Variants in PPP2R2A observed in about 807,000 individuals in gnomAD.
PPP2R2A encodes serine/threonine-protein phosphatase 2A 55 kDa regulatory subunit B alpha isoform.
A neutral mutation model predicts 53.2 loss-of-function variants in PPP2R2A; 9 were observed. The ratio of observed to expected loss-of-function variants is 0.17; its 90% CI spans 0.10 to 0.30. PPP2R2A has a LOEUF of 0.30. Among genes scored for constraint, PPP2R2A ranks in the 10% least tolerant of loss-of-function variants. PPP2R2A has a pLI of 1.00. For missense variants in PPP2R2A, 235 were observed against 534.6 expected, an observed-to-expected ratio of 0.44 and a Z score of 5.53; for synonymous variants, 169 against 174.2, an observed-to-expected ratio of 0.97 and a Z score of 0.23.
intron 3 of PPP2R2A, among the ~76,000 whole-genome samples, chr8:26,348,653 G>A (rs2043434): frequency 0.22 from 34,120 of 152,152 alleles, 4,949 homozygotes; most frequent in Non-Finnish European, 0.31. Context: ...TACTCAGCCT[G>A]TAAAAGCACA....
chr8:26,302,733 A>G (rs1229621151), intron 2 of PPP2R2A, among the ~76,000 whole-genome samples: 1 of 152,232 alleles, frequency 6.6e-6, no homozygotes, highest in African/African-American at 2.4e-5. Context: ...TTGAATACAG[A>G]AGCAATTAAG....
At chr8:26,333,487 T>C (rs772023370) in intron 2 of PPP2R2A, 1 of 1,223,848 alleles carries the variant, frequency 8.2e-7, no homozygotes, top group South Asian at 1.4e-5. Context: ...TTCTTTCAGA[T>C]CACTTATTTG....
intron 9 of PPP2R2A, 54 bp downstream of exon 9, chr8:26,366,460 AT>A (rs1444627407): frequency 2.2e-6 from 3 of 1,365,434 alleles, no homozygotes; most frequent in African/African-American, 1.5e-5. Context: ...AGAAACAACT[AT>A]TTCATTCCAG....
chr8:26,346,594 G>A lies in PPP2R2A; in HGVS notation c.180+7607G>A, dbSNP rs553500003. ...CTCTGCTAGTCTTTCTACTTTATTC[G>A]TTCCTTCTTACAGTTGAGTTGTGTA... On this transcript the variant is annotated intron_variant, in intron 3 of 9. Transcript: ENST00000380737. Among the ~76,000 whole-genome samples, 156 of 152,186 alleles carry A rather than the reference G, an allele frequency of 1.0e-3. 1 individual carries two copies. The highest frequency in any genetic ancestry group is 1.1e-3 in the Non-Finnish European group (72 of 68,024).
rs556118674 is a variant in PPP2R2A, at chr8:26,366,764, A to G, written c.1064+358A>G. 9.2e-5 allele frequency among the ~76,000 whole-genome samples: 14 copies of G among 152,284 alleles called. 1 individual carries two copies. The South Asian group carries it at 2.9e-3, about 32-fold the overall frequency. ...CGGCAGATAACTCATTTGGATTGTT[A>G]GAAACACCAGGTTTTCCAGATGCTA... On this transcript the variant is annotated intron_variant, in intron 9 of 9. Transcript: ENST00000380737.
In PPP2R2A at chr8:26,360,070, G is replaced by A. The variant is rs1805001856; in HGVS notation, c.347-99G>A. ...AGATTAGGGTTTTTTTTTTTTTCGT[G>A]GAATCCTTTTACGTGAAATGTGAAA... On this transcript the variant is annotated intron_variant, in intron 4 of 9. Coordinates refer to ENST00000380737, the MANE Select transcript of PPP2R2A (RefSeq NM_002717.4). The surrounding 1 kb of genome is among the most constrained non-coding windows in gnomAD (Gnocchi z 4.5). 7.1e-6 allele frequency: 4 copies of A among 566,658 alleles called. No homozygotes were observed. The highest frequency in any genetic ancestry group is 6.6e-5 in the Admixed American group (2 of 30,352). 35.1% of individuals were successfully genotyped at this position (566,658 alleles called of 1,614,324 possible). A position where few individuals can be genotyped will look rare whatever the true frequency, so the allele number is the denominator to read the frequency against.
intron 4 of PPP2R2A, among the ~76,000 whole-genome samples, chr8:26,356,064 A>C (rs1001470211): frequency 1.3e-5 from 2 of 152,178 alleles, no homozygotes; most frequent in African/African-American, 4.8e-5. Context: ...GTAGTCTATA[A>C]AAATTTGTGA....
rs1051550188 is a variant in PPP2R2A, at chr8:26,362,023, A to ATTAATCTTAAGATTAGAT, written c.638-658_638-657insATCTTAAGATTAGATTTA. Among the ~76,000 whole-genome samples, 438 of 140,870 alleles carry ATTAATCTTAAGATTAGAT rather than the reference A, an allele frequency of 3.1e-3. 9 individuals carry two copies. Among genetic ancestry groups the ATTAATCTTAAGATTAGAT allele is most frequent in the Admixed American group, 0.026 (369 of 14,128 alleles). 92.4% of individuals were successfully genotyped at this position (140,870 alleles called of 152,430 possible). A position where few individuals can be genotyped will look rare whatever the true frequency, so the allele number is the denominator to read the frequency against. On this transcript the variant is annotated intron_variant, in intron 6 of 9. Transcript: ENST00000380737. The surrounding 1 kb of genome is among the most constrained non-coding windows in gnomAD (Gnocchi z 4.4). ...TAATTGATATTAAGATTAGATTAAGATTAGATTAAGATTAATCTTAAGATT... is the reference window on the plus strand; with the variant it reads ...TAATTGATATTAAGATTAGATTAAGATTAATCTTAAGATTAGATTTAGATTAAGATTAATCTTAAGATT...
chr8:26,341,994 C>T (rs1050807943), intron 3 of PPP2R2A, among the ~76,000 whole-genome samples: 4 of 152,102 alleles, frequency 2.6e-5, no homozygotes, highest in East Asian at 1.9e-4. Flanking sequence ...ATTCCCCAAT[C>T]GTAATATAAA....
At position 26,370,380 on chromosome 8, in the gene PPP2R2A, C is replaced by T. The variant is rs749340495; in HGVS notation, c.1311C>T (p.Asn437=). Reference sequence around the variant, plus strand: ...ATATCATTGCCGTAGCTACTACAAACAATCTGTATATATTTCAAGACAAAG... The same window carrying T: ...ATATCATTGCCGTAGCTACTACAAATAATCTGTATATATTTCAAGACAAAG... ...KENIIAVATT[N]NLYIFQDKVN is the part of the protein sequence containing the mutation. Residue 437 remains asparagine (N), a synonymous_variant, in exon 10 of 10, where the codon AAC becomes AAT. Transcript: ENST00000380737. The surrounding 1 kb of genome is among the most constrained non-coding windows in gnomAD (Gnocchi z 6.1). 3 of 1,614,046 alleles carry T rather than the reference C, an allele frequency of 1.9e-6. No individual in the cohort carries two copies. The highest frequency in any genetic ancestry group is 1.7e-6 in the Non-Finnish European group (2 of 1,180,038).
chr8:26,295,906 T>C (rs933545414), intron 2 of PPP2R2A, among the ~76,000 whole-genome samples: 1 of 152,154 alleles, frequency 6.6e-6, no homozygotes, highest in African/African-American at 2.4e-5. Flanking sequence ...TATTAACACA[T>C]TCCCCACCCC....
At chr8:26,293,309 G>T in intron 1 of PPP2R2A, 1 of 1,513,310 alleles carries the variant, frequency 6.6e-7, no homozygotes, top group Non-Finnish European at 8.9e-7. Context: ...TAACTCTTCT[G>T]CAGGCTTTTT....
At chr8:26,303,155 T>C (rs1253790542) in intron 2 of PPP2R2A, among the ~76,000 whole-genome samples, 3 of 152,204 alleles carry the variant, frequency 2.0e-5, no homozygotes, top group South Asian at 2.1e-4. Flanking sequence ...CCTGTTCTTT[T>C]AGATACCAAA....
chr8:26,330,967 C>T (rs1434140262), intron 2 of PPP2R2A, among the ~76,000 whole-genome samples: 2 of 152,168 alleles, frequency 1.3e-5, no homozygotes, highest in Non-Finnish European at 2.9e-5. Context: ...GTGTGACACT[C>T]TTGTGAGAAC....
chr8:26,302,837 G>C (rs1359209300), intron 2 of PPP2R2A, among the ~76,000 whole-genome samples: 1 of 152,130 alleles, frequency 6.6e-6, no homozygotes, highest in African/African-American at 2.4e-5. Context: ...GGGGGATGTA[G>C]TCATTTTTCA....
rs1805123990 is a variant in PPP2R2A, at chr8:26,362,053, TAA to T, written c.638-630_638-629del. On this transcript the variant is annotated intron_variant, in intron 6 of 9. Coordinates refer to ENST00000380737, the MANE Select transcript of PPP2R2A (RefSeq NM_002717.4). The surrounding 1 kb of genome is among the most constrained non-coding windows in gnomAD (Gnocchi z 4.4). ...ATTAAGATTAATCTTAAGATTAGAT[TAA>T]GATTAATTTTAAGATTAGAAAAAGA... Among the ~76,000 whole-genome samples, 2 of 147,620 alleles carry T rather than the reference TAA, an allele frequency of 1.4e-5. No individual in the cohort carries two copies. The highest frequency in any genetic ancestry group is 1.3e-4 in the Admixed American group (2 of 14,858).
At chr8:26,301,717 T>C (rs531275395) in intron 2 of PPP2R2A, among the ~76,000 whole-genome samples, 1 of 152,318 alleles carries the variant, frequency 6.6e-6, no homozygotes, top group South Asian at 2.1e-4. Context: ...TTTAGTCCAG[T>C]GGTTCTCTAA....
chr8:26,299,017 G>C (rs548573583), intron 2 of PPP2R2A, among the ~76,000 whole-genome samples: 2 of 152,236 alleles, frequency 1.3e-5, no homozygotes, highest in Admixed American at 6.5e-5. Context: ...GCTCACGCCT[G>C]TAATCCCAGC....
chr8:26,360,647 T>G lies in PPP2R2A; in HGVS notation c.460-327T>G, dbSNP rs1045307643. ...TAGCTAAAAAATACCAAGAATTAGA[T>G]GTTATGGGTTAATTTTCTTTTTAGC... is the stretch of plus-strand genomic sequence containing the variant. On this transcript the variant is annotated intron_variant, in intron 5 of 9. Transcript: ENST00000380737. This position sits in a 1 kb window ranked among gnomAD's most constrained non-coding sequence, Gnocchi z 4.5. The G allele has an allele frequency of 6.8e-5, 21 of 307,642 alleles. No individual in the cohort carries two copies. Among genetic ancestry groups the G allele is most frequent in the African/African-American group, 4.3e-4 (20 of 46,286 alleles). The allele number at this position is 307,642 out of a possible 1,614,324, so 19.1% of individuals were successfully genotyped here. A position where few individuals can be genotyped will look rare whatever the true frequency, so the allele number is the denominator to read the frequency against.
Sources: gnomAD v4.1 joint callset for allele counts (sites outside exome capture counted in the v4.1 genomes callset) on GRCh38, gnomAD v4.1.1 for gene constraint, Gnocchi (gnomAD v3.1) non-coding constraint, MANE v1.5 for transcripts, NCBI Gene and HGNC (gene_info 2026-07-23, HGNC 2026-07-21) for gene names.